Variants in RBKS observed in about 807,000 individuals in gnomAD.
RBKS encodes ribokinase.
A neutral mutation model predicts 33.9 loss-of-function variants in RBKS; 33 were observed. The ratio of observed to expected loss-of-function variants is 0.97; its 90% confidence interval spans 0.74 to 1.30. RBKS has a LOEUF of 1.30. Among genes scored for constraint, RBKS ranks in the 50% most tolerant of loss-of-function variants. The pLI is 0.00. For missense variants in RBKS, 361 were observed against 392.6 expected (o/e 0.92, Z 0.68); for synonymous variants, 125 against 143.0 (o/e 0.87, Z 0.90).
At chr2:27,791,923 C>T (rs1677534637) in intron 7 of RBKS, among the ~76,000 whole-genome samples, 1 of 152,016 alleles carries the variant, frequency 6.6e-6, no homozygotes, top group African/African-American at 2.4e-5. Flanking sequence ...TTCATCAAAA[C>T]TCATTGAATC....
intron 7 of RBKS, among the ~76,000 whole-genome samples, chr2:27,799,962 C>T (rs1442661911): frequency 3.3e-5 from 5 of 152,000 alleles, no homozygotes; most frequent in African/African-American, 4.8e-5. Context: ...TCTTTGTCCT[C>T]CAAGGGTTAA....
chr2:27,835,191 G>A (rs1052065248), intron 5 of RBKS, among the ~76,000 whole-genome samples: 2 of 151,306 alleles, frequency 1.3e-5, no homozygotes, highest in African/African-American at 2.4e-5. Context: ...CAGGAGAATC[G>A]CTTGAACCCG....
intron 1 of RBKS, among the ~76,000 whole-genome samples, chr2:27,878,715 T>C (rs1024107387): frequency 2.0e-5 from 3 of 152,196 alleles, no homozygotes; most frequent in Non-Finnish European, 2.9e-5. Context: ...TTTTTAATGA[T>C]TGCCATTCTA....
At chr2:27,822,280 T>C (rs1286442258) in intron 7 of RBKS, among the ~76,000 whole-genome samples, 1 of 152,146 alleles carries the variant, frequency 6.6e-6, no homozygotes, top group Non-Finnish European at 1.5e-5. Flanking sequence ...TAGTTCTGAG[T>C]ACATTTTGCA....
intron 1 of RBKS, among the ~76,000 whole-genome samples, chr2:27,881,433 C>CGGGA (rs1255369259): frequency 6.6e-6 from 1 of 151,472 alleles, no homozygotes; most frequent in African/African-American, 2.4e-5. Context: ...CCCAGTTACT[C>CGGGA]GGGAGGCTGA....
At chr2:27,811,581 A>C (rs1677985835) in intron 7 of RBKS, among the ~76,000 whole-genome samples, 1 of 152,214 alleles carries the variant, frequency 6.6e-6, no homozygotes, top group South Asian at 2.1e-4. Flanking sequence ...GCCTGTGAAG[A>C]AACCCAATTT....
intron 7 of RBKS, among the ~76,000 whole-genome samples, chr2:27,816,314 C>T (rs1370636342): frequency 6.6e-6 from 1 of 152,238 alleles, no homozygotes; most frequent in Non-Finnish European, 1.5e-5. Flanking sequence ...GCCCCCTGGG[C>T]ATGACAGATG....
intron 5 of RBKS, among the ~76,000 whole-genome samples, chr2:27,838,341 C>A (rs1313647817): frequency 6.6e-6 from 1 of 152,090 alleles, no homozygotes; most frequent in Non-Finnish European, 1.5e-5. Flanking sequence ...ATAGGTTTAC[C>A]ATACTATTCT....
intron 7 of RBKS, among the ~76,000 whole-genome samples, chr2:27,786,818 G>A (rs1425215478): frequency 6.7e-6 from 1 of 149,470 alleles, no homozygotes; most frequent in East Asian, 2.0e-4. Flanking sequence ...AAAAAATATT[G>A]TACCCACACC....
chr2:27,842,147 G>A (rs1339385247), intron 5 of RBKS, among the ~76,000 whole-genome samples: 5 of 152,172 alleles, frequency 3.3e-5, no homozygotes, highest in South Asian at 2.1e-4. Flanking sequence ...ACAGAAATGG[G>A]ATTCTAATTC....
intron 4 of RBKS, among the ~76,000 whole-genome samples, chr2:27,846,435 T>G (rs1663622108): frequency 6.6e-6 from 1 of 152,208 alleles, no homozygotes; most frequent in Admixed American, 6.5e-5. Context: ...TCTGAAAGCA[T>G]TGGCATTACA....
intron 6 of RBKS, among the ~76,000 whole-genome samples, chr2:27,828,041 T>C (rs569434425): frequency 6.6e-6 from 1 of 152,356 alleles, no homozygotes; most frequent in African/African-American, 2.4e-5. Context: ...AATGGTATTG[T>C]GTTTCCTCTT....
At chr2:27,873,749 A>G (rs956575556) in intron 1 of RBKS, among the ~76,000 whole-genome samples, 1 of 152,154 alleles carries the variant, frequency 6.6e-6, no homozygotes, top group African/African-American at 2.4e-5. Context: ...TTCTGCAATG[A>G]TACAGAAGAA....
At chr2:27,886,795 G>GCCACTTACTAGCCAGTAAGTAA (rs1664538313) in intron 1 of RBKS, among the ~76,000 whole-genome samples, 1 of 152,062 alleles carries the variant, frequency 6.6e-6, no homozygotes, top group Non-Finnish European at 1.5e-5. Flanking sequence ...GCCTTTACTA[G>GCCACTTACTAGCCAGTAAGTAA]CCACTTACTA....
intron 7 of RBKS, among the ~76,000 whole-genome samples, chr2:27,784,260 G>GGC (rs2148179345): frequency 6.6e-6 from 1 of 151,760 alleles, no homozygotes; most frequent in East Asian, 2.0e-4. Context: ...TGGGATTACA[G>GGC]GCGTGAGCCA....
intron 7 of RBKS, among the ~76,000 whole-genome samples, chr2:27,796,353 T>C (rs1677666012): frequency 6.6e-6 from 1 of 152,200 alleles, no homozygotes; most frequent in African/African-American, 2.4e-5. Flanking sequence ...TGATACAACA[T>C]GATGGTTTTA....
intron 7 of RBKS, among the ~76,000 whole-genome samples, chr2:27,822,102 G>A (rs1391914473): frequency 6.6e-6 from 1 of 152,158 alleles, no homozygotes; most frequent in Non-Finnish European, 1.5e-5. Flanking sequence ...AAGAAGAAGA[G>A]TCTGCTGGGG....
chr2:27,816,877 G>A (rs112465103), intron 7 of RBKS, among the ~76,000 whole-genome samples: 1,944 of 152,304 alleles, frequency 0.013, 39 homozygotes, highest in African/African-American at 0.045. Context: ...GATAACAGGC[G>A]TGAGCCACCG....
Position 27,863,950 on chromosome 2 carries a change from C to T in RBKS, c.90-5379G>A, listed in dbSNP as rs529855608. Reference sequence around the variant, plus strand: ...TGTTCCCTAACCCTTCATTTGCAGACGTATATGTTATTTATTTAAGGTAAT... The same window carrying T: ...TGTTCCCTAACCCTTCATTTGCAGATGTATATGTTATTTATTTAAGGTAAT... On this transcript the variant is annotated intron_variant, in intron 1 of 7. Coordinates refer to ENST00000302188, the MANE Select transcript of RBKS (RefSeq NM_022128.3). Among the ~76,000 whole-genome samples, 8 of 152,254 alleles carry T rather than the reference C, an allele frequency of 5.3e-5. No individual in the cohort carries two copies. In the South Asian group the frequency reaches 1.4e-3, roughly 28 times the overall value.
Sources: gnomAD v4.1 joint callset for allele counts (sites outside exome capture counted in the v4.1 genomes callset) on GRCh38, gnomAD v4.1.1 for gene constraint, MANE v1.5 for transcripts, NCBI Gene and HGNC (gene_info 2026-07-23, HGNC 2026-07-21) for gene names.